The following COQ10B variants were observed in gnomAD, a reference collection of about 807,000 sequenced individuals.
COQ10B encodes the protein coenzyme Q-binding protein COQ10 homolog B, mitochondrial.
COQ10B carries 12 observed loss-of-function variants against 27.6 expected under a neutral mutation model. The observed-to-expected ratio is 0.43, with a 90% confidence interval of 0.28 to 0.70. The LOEUF is 0.70. COQ10B is among the 30% of genes least tolerant of loss of function. The probability of loss-of-function intolerance (pLI) is 0.17; values close to 1 mark genes in which losing one functional copy is unlikely to be tolerated. For missense variants in COQ10B, 278 were observed against 288.7 expected, an observed-to-expected ratio of 0.96 and a Z score of 0.27; for synonymous variants, 115 against 103.0, an observed-to-expected ratio of 1.12 and a Z score of -0.71.
intron 4 of COQ10B, among the ~76,000 whole-genome samples, chr2:197,472,726 C>T: frequency 6.7e-6 from 1 of 149,432 alleles, no homozygotes. Flanking sequence ...ATCGCTTGAA[C>T]CTAGAAGTCA....
intron 1 of COQ10B, among the ~76,000 whole-genome samples, chr2:197,459,652 G>GT (rs763159941): frequency 6.6e-6 from 1 of 152,084 alleles, no homozygotes; most frequent in Non-Finnish European, 1.5e-5. Context: ...TATGGTAAGA[G>GT]TAAGTTGTAA....
intron 4 of COQ10B, among the ~76,000 whole-genome samples, chr2:197,471,674 G>T (rs1055951092): frequency 6.6e-6 from 1 of 152,022 alleles, no homozygotes; most frequent in Non-Finnish European, 1.5e-5. Flanking sequence ...AAGCACAGTG[G>T]CTCACGCCTG....
At chr2:197,468,480 C>T (rs2085848421) in intron 3 of COQ10B, among the ~76,000 whole-genome samples, 1 of 150,618 alleles carries the variant, frequency 6.6e-6, no homozygotes, top group South Asian at 2.1e-4. Context: ...GAGGAAGGTG[C>T]TATGTTACAG....
At chr2:197,463,996 T>TATATACACAC (rs1553574096) in intron 3 of COQ10B, among the ~76,000 whole-genome samples, 2 of 32,850 alleles carry the variant, frequency 6.1e-5, no homozygotes, top group Non-Finnish European at 1.0e-4. Flanking sequence ...TATATATATA[T>TATATACACAC]ACACACACAC....
intron 2 of COQ10B, among the ~76,000 whole-genome samples, chr2:197,460,816 C>G (rs895791922): frequency 2.0e-5 from 3 of 152,084 alleles, no homozygotes; most frequent in Non-Finnish European, 2.9e-5. Context: ...CATTGTAGTC[C>G]GAAGGCAGAC....
At chr2:197,464,774 A>G (rs1047744295) in intron 3 of COQ10B, among the ~76,000 whole-genome samples, 2 of 152,142 alleles carry the variant, frequency 1.3e-5, no homozygotes, top group Non-Finnish European at 2.9e-5. Flanking sequence ...TCACAGAGCC[A>G]AGACTCCAGC....
chr2:197,473,729 T>A lies in COQ10B; in HGVS notation c.550-28T>A, dbSNP rs147260182. The A allele has an allele frequency of 1.1e-5, 15 of 1,366,150 alleles. No individual in the cohort carries two copies. The East Asian group carries it at 3.3e-4, about 30-fold the overall frequency. The allele number at this position is 1,366,150 out of a possible 1,614,324, so 84.6% of individuals were successfully genotyped here. On this transcript the variant is annotated intron_variant, in intron 4 of 4. Transcript: ENST00000263960. ...AAAAAAAGCAAAAAATAATTTTTTCTAAAATAATTTTCAATATTTTCCTAC... is the reference window on the plus strand; with the variant it reads ...AAAAAAAGCAAAAAATAATTTTTTCAAAAATAATTTTCAATATTTTCCTAC...
intron 2 of COQ10B, among the ~76,000 whole-genome samples, chr2:197,460,352 C>G (rs2085744145): frequency 6.6e-6 from 1 of 151,984 alleles, no homozygotes; most frequent in South Asian, 2.1e-4. Context: ...GCCACCATGC[C>G]TAGCTAATTT....
chr2:197,467,821 AAT>A, intron 3 of COQ10B, among the ~76,000 whole-genome samples: 1 of 152,238 alleles, frequency 6.6e-6, no homozygotes, highest in East Asian at 1.9e-4. Context: ...CCTGTCACTT[AAT>A]ATGTCAGTAA....
In COQ10B at chr2:197,463,996, T is replaced by TAC. The variant is rs1241115366; in HGVS notation, c.447+1295_447+1296dup. 4.7e-3 allele frequency among the ~76,000 whole-genome samples: 153 copies of TAC among 32,830 alleles called. 1 individual carries two copies. Among genetic ancestry groups the TAC allele is most frequent in the East Asian group, 0.013 (8 of 620 alleles). The allele number at this position is 32,830 out of a possible 152,430, so 21.5% of individuals were successfully genotyped here. A position where few individuals can be genotyped will look rare whatever the true frequency, so the allele number is the denominator to read the frequency against. Reference sequence around the variant, plus strand: ...ATATATATATATATATATATATATATACACACACACACACACACACACACA... The same window carrying TAC: ...ATATATATATATATATATATATATATACACACACACACACACACACACACACA... On this transcript the variant is annotated intron_variant, in intron 3 of 4. Coordinates refer to ENST00000263960, the MANE Select transcript of COQ10B (RefSeq NM_025147.5).
At chr2:197,454,436 A>G (rs999503400) in intron 1 of COQ10B, among the ~76,000 whole-genome samples, 1 of 152,160 alleles carries the variant, frequency 6.6e-6, no homozygotes, top group Non-Finnish European at 1.5e-5. Flanking sequence ...GTTGAGCCCC[A>G]GGACATTTAG....
intron 1 of COQ10B, among the ~76,000 whole-genome samples, chr2:197,456,786 A>G (rs919309264): frequency 2.0e-5 from 3 of 152,114 alleles, no homozygotes; most frequent in African/African-American, 7.2e-5. Context: ...TAAGTAAAAA[A>G]TAAATTAAAA....
chr2:197,454,236 C>T, intron 1 of COQ10B: 1 of 1,172,678 alleles, frequency 8.5e-7, no homozygotes. Flanking sequence ...AGTCAGCTTT[C>T]GATTTTCCTG....
At chr2:197,472,665 G>A (rs2085889923) in intron 4 of COQ10B, among the ~76,000 whole-genome samples, 1 of 152,002 alleles carries the variant, frequency 6.6e-6, no homozygotes, top group Non-Finnish European at 1.5e-5. Flanking sequence ...TTAACTGGAC[G>A]TGGTGGCAGG....
intron 3 of COQ10B, among the ~76,000 whole-genome samples, chr2:197,467,867 C>G (rs969381423): frequency 1.3e-4 from 20 of 152,180 alleles, no homozygotes; most frequent in African/African-American, 4.8e-4. Flanking sequence ...TGGCCAGAAG[C>G]CCTTGAACAT....
At chr2:197,453,906 C>T in intron 1 of COQ10B, 1 of 1,506,736 alleles carries the variant, frequency 6.6e-7, no homozygotes, top group Non-Finnish European at 9.0e-7. Context: ...ATCGGCGAAG[C>T]GACTTTGGAA....
intron 2 of COQ10B, 137 bp downstream of exon 2, chr2:197,460,218 T>C (rs1452700569): frequency 1.6e-5 from 9 of 556,538 alleles, no homozygotes; most frequent in South Asian, 6.3e-5. Flanking sequence ...TTCTTTTTTT[T>C]TTTTTTTTCT....
At chr2:197,455,521 G>A (rs1046886610) in intron 1 of COQ10B, among the ~76,000 whole-genome samples, 2 of 152,082 alleles carry the variant, frequency 1.3e-5, no homozygotes, top group Non-Finnish European at 2.9e-5. Flanking sequence ...AAATTAGCTG[G>A]CTATGTGTTA....
Position 197,469,872 on chromosome 2 carries a change from G to GA in COQ10B, c.448-186dup, listed in dbSNP as rs374357908. Reference sequence around the variant, plus strand: ...CTGGCAATCTTAGGGATCCCTGCAGGAAAAAAAAAAAAGGCTAATATTGGC... The same window carrying GA: ...CTGGCAATCTTAGGGATCCCTGCAGGAAAAAAAAAAAAAGGCTAATATTGGC... On this transcript the variant is annotated intron_variant, in intron 3 of 4. Transcript: ENST00000263960. Among the ~76,000 whole-genome samples the GA allele has an allele frequency of 3.4e-3, 469 of 139,148 alleles. 2 individuals carry two copies. The highest frequency in any genetic ancestry group is 0.011 in the African/African-American group (424 of 38,076). The allele number at this position is 139,148 out of a possible 152,430, so 91.3% of individuals were successfully genotyped here.
Sources: gnomAD v4.1 joint callset for allele counts (sites outside exome capture counted in the v4.1 genomes callset) on GRCh38, gnomAD v4.1.1 for gene constraint, MANE v1.5 for transcripts, NCBI Gene and HGNC (gene_info 2026-07-23, HGNC 2026-07-21) for gene names.